Variants in FCHSD2 observed in about 807,000 individuals in gnomAD.
FCHSD2 encodes the protein FCH and double SH3 domains 2, also known as F-BAR and double SH3 domains protein 2.
A neutral mutation model predicts 108.1 loss-of-function variants in FCHSD2; 38 were observed. The ratio of observed to expected loss-of-function variants is 0.35; its 90% CI spans 0.27 to 0.46. The LOEUF is 0.46. Among genes scored for constraint, FCHSD2 ranks in the 20% least tolerant of loss-of-function variants. The probability of loss-of-function intolerance (pLI) is 1.00; values close to 1 mark genes in which losing one functional copy is unlikely to be tolerated. For missense variants in FCHSD2, 751 were observed against 897.8 expected, an observed-to-expected ratio of 0.84 and a Z score of 2.09; for synonymous variants, 279 against 314.7, an observed-to-expected ratio of 0.89 and a Z score of 1.20.
intron 3 of FCHSD2, among the ~76,000 whole-genome samples, chr11:73,019,374 G>A (rs938715362): frequency 6.6e-6 from 1 of 152,124 alleles, no homozygotes; most frequent in African/African-American, 2.4e-5. Context: ...CATACAGTTC[G>A]TAACTAGTTA....
At position 72,977,425 on chromosome 11, in the gene FCHSD2, A is replaced by T. The variant is rs79611522; in HGVS notation, c.705+6663T>A. ...CCATGGAATGGTAAAAAATATTTGT[A>T]AATTATCCAGTTGACAAGGGATTAA... On this transcript the variant is annotated intron_variant, in intron 8 of 19. Coordinates refer to ENST00000409418, the MANE Select transcript of FCHSD2 (RefSeq NM_014824.3). Among the ~76,000 whole-genome samples, 1,286 of 152,366 alleles carry T rather than the reference A, an allele frequency of 8.4e-3. 7 individuals are homozygous for T. The highest frequency in any genetic ancestry group is 0.015 in the Non-Finnish European group (1,001 of 68,020).
intron 2 of FCHSD2, among the ~76,000 whole-genome samples, chr11:73,124,495 C>T (rs1018506681): frequency 6.6e-6 from 1 of 152,148 alleles, no homozygotes; most frequent in African/African-American, 2.4e-5. Context: ...GTGGCTCACA[C>T]CTGTAATCCC....
At chr11:72,862,762 A>T (rs1454490213) in intron 13 of FCHSD2, among the ~76,000 whole-genome samples, 1 of 152,174 alleles carries the variant, frequency 6.6e-6, no homozygotes, top group Non-Finnish European at 1.5e-5. Context: ...GACCTAGAAT[A>T]CCCAAAACAA....
At position 73,032,914 on chromosome 11, in the gene FCHSD2, T is replaced by C. The variant is rs186469440; in HGVS notation, c.166-17029A>G. On this transcript the variant is annotated intron_variant, in intron 3 of 19. Transcript: ENST00000409418. ...CCTTAAGACAACAGGAAATCAAGCT[T>C]GCGAGCAGTGCAGTGCCATTATCAG... is the stretch of plus-strand genomic sequence containing the variant. 8.5e-5 allele frequency among the ~76,000 whole-genome samples: 13 copies of C among 152,220 alleles called. No homozygotes were observed. In the East Asian group the frequency reaches 2.5e-3, roughly 29 times the overall value.
chr11:73,122,593 A>G (rs1436346713), intron 2 of FCHSD2, among the ~76,000 whole-genome samples: 1 of 152,230 alleles, frequency 6.6e-6, no homozygotes, highest in Non-Finnish European at 1.5e-5. Flanking sequence ...TCAAATAGGC[A>G]AAAGTAGAAA....
At chr11:73,063,326 G>A (rs1859211117) in intron 3 of FCHSD2, among the ~76,000 whole-genome samples, 1 of 152,170 alleles carries the variant, frequency 6.6e-6, no homozygotes, top group Non-Finnish European at 1.5e-5. Flanking sequence ...ACCAGCCACT[G>A]CAAAAACATG....
chr11:73,060,283 A>T (rs958502894), intron 3 of FCHSD2, among the ~76,000 whole-genome samples: 1 of 152,248 alleles, frequency 6.6e-6, no homozygotes, highest in African/African-American at 2.4e-5. Flanking sequence ...TTGAAGCATT[A>T]TTCATATCTT....
intron 12 of FCHSD2, among the ~76,000 whole-genome samples, chr11:72,879,999 C>CAA (rs541384964): frequency 1.3e-3 from 83 of 63,076 alleles, no homozygotes; most frequent in African/African-American, 1.5e-3. Flanking sequence ...AATTCTGTCT[C>CAA]AAAAAAAAAA....
At chr11:72,911,239 G>A (rs965084773) in intron 9 of FCHSD2, among the ~76,000 whole-genome samples, 1 of 152,168 alleles carries the variant, frequency 6.6e-6, no homozygotes, top group Non-Finnish European at 1.5e-5. Flanking sequence ...ATTTATTGAA[G>A]AGATTGTCCT....
chr11:72,991,662 T>C (rs143430419), intron 5 of FCHSD2, among the ~76,000 whole-genome samples: 3,416 of 152,156 alleles, frequency 0.022, 121 homozygotes, highest in African/African-American at 0.077. Flanking sequence ...ACAAAAACCA[T>C]ATGATTATCT....
chr11:72,939,607 T>C (rs996443958), intron 8 of FCHSD2, among the ~76,000 whole-genome samples: 2 of 140,864 alleles, frequency 1.4e-5, no homozygotes, highest in African/African-American at 5.2e-5. Context: ...CTCTTTCTTT[T>C]CCTTTTTTTT....
chr11:73,010,106 C>T (rs1857829854), intron 4 of FCHSD2, among the ~76,000 whole-genome samples: 1 of 152,060 alleles, frequency 6.6e-6, no homozygotes, highest in African/African-American at 2.4e-5. Context: ...TATTTTTCTT[C>T]TTTTTGACTG....
chr11:73,061,712 G>T (rs556355312), intron 3 of FCHSD2, among the ~76,000 whole-genome samples: 5 of 152,184 alleles, frequency 3.3e-5, no homozygotes, highest in African/African-American at 1.2e-4. Context: ...TTCGAACTGG[G>T]TGGAGCCCAC....
At chr11:73,072,139 G>C (rs982129455) in intron 3 of FCHSD2, among the ~76,000 whole-genome samples, 1 of 150,932 alleles carries the variant, frequency 6.6e-6, no homozygotes, top group Non-Finnish European at 1.5e-5. Context: ...CACACAAAAG[G>C]TTCAAAATCA....
At chr11:73,101,019 T>C (rs1860212745) in intron 2 of FCHSD2, among the ~76,000 whole-genome samples, 1 of 152,164 alleles carries the variant, frequency 6.6e-6, no homozygotes, top group Non-Finnish European at 1.5e-5. Context: ...CAAAATGTGC[T>C]TATGCTTCCT....
chr11:72,893,455 A>G (rs1034879167), intron 10 of FCHSD2, among the ~76,000 whole-genome samples: 1 of 152,054 alleles, frequency 6.6e-6, no homozygotes, highest in African/African-American at 2.4e-5. Context: ...AGCTGAGACC[A>G]CAGCATATGC....
At chr11:72,992,228 G>A (rs1016124884) in intron 5 of FCHSD2, among the ~76,000 whole-genome samples, 14 of 152,218 alleles carry the variant, frequency 9.2e-5, no homozygotes, top group African/African-American at 3.1e-4. Flanking sequence ...CCTCTTCAAG[G>A]AGAACTACAA....
At chr11:72,900,224 A>AAACCAAC in intron 10 of FCHSD2, 1 of 582,254 alleles carries the variant, frequency 1.7e-6, no homozygotes, top group Non-Finnish European at 3.3e-6. Context: ...CACACTTCCC[A>AAACCAAC]TCCCTCCCGC....
chr11:73,135,951 C>T (rs1861111264), intron 2 of FCHSD2, among the ~76,000 whole-genome samples: 1 of 151,924 alleles, frequency 6.6e-6, no homozygotes, highest in Non-Finnish European at 1.5e-5. Flanking sequence ...TCACTTGAGC[C>T]CAGGAGTTCA....
Sources: gnomAD v4.1 joint callset for allele counts (sites outside exome capture counted in the v4.1 genomes callset) on GRCh38, gnomAD v4.1.1 for gene constraint, MANE v1.5 for transcripts, NCBI Gene and HGNC (gene_info 2026-07-23, HGNC 2026-07-21) for gene names.